PRR5L: variants seen among roughly 807,000 people sequenced by gnomAD.
The protein encoded by PRR5L is proline rich 5 like, also known as proline-rich protein 5-like.
PRR5L carries 21 observed loss-of-function variants against 36.4 expected under a neutral mutation model. That is an observed-to-expected ratio of 0.58 (90% CI 0.41 to 0.83). The LOEUF is 0.83. PRR5L is among the 40% of genes least tolerant of loss of function. The pLI is 0.00. For missense variants in PRR5L, 381 were observed against 473.3 expected (o/e 0.80, Z 1.81); for synonymous variants, 188 against 197.0 (o/e 0.95, Z 0.38).
intron 7 of PRR5L, among the ~76,000 whole-genome samples, chr11:36,448,377 C>T (rs1858876388): frequency 1.3e-5 from 2 of 152,172 alleles, no homozygotes; most frequent in South Asian, 2.1e-4. Context: ...CAGCATCTCC[C>T]ACCCTTCCAT....
intron 8 of PRR5L, among the ~76,000 whole-genome samples, chr11:36,459,454 T>C (rs1367913510): frequency 6.6e-6 from 1 of 152,162 alleles, no homozygotes; most frequent in Non-Finnish European, 1.5e-5. Context: ...GTTTTTTGGT[T>C]CTTCTCCTGC....
intron 1 of PRR5L, among the ~76,000 whole-genome samples, chr11:36,381,328 A>G (rs1857363642): frequency 6.6e-6 from 1 of 152,130 alleles, no homozygotes; most frequent in Non-Finnish European, 1.5e-5. Flanking sequence ...ACTAGGATTA[A>G]GGGACTGCAA....
At chr11:36,422,886 G>T (rs1238599115) in intron 4 of PRR5L, among the ~76,000 whole-genome samples, 1 of 152,094 alleles carries the variant, frequency 6.6e-6, no homozygotes, top group Non-Finnish European at 1.5e-5. Context: ...CTATATACTA[G>T]TAACAGCTCT....
At chr11:36,310,006 T>TACCACCACCACCATCATCCCCAATACC (rs1323480663) in intron 1 of PRR5L, among the ~76,000 whole-genome samples, 1 of 360 alleles carries the variant, frequency 2.8e-3, no homozygotes, top group South Asian at 0.1. Context: ...CCACCATCAC[T>TACCACCACCACCATCATCCCCAATACC]ATTAGAGCAG....
chr11:36,396,505 G>A (rs1369174265), intron 1 of PRR5L, among the ~76,000 whole-genome samples: 2 of 152,250 alleles, frequency 1.3e-5, no homozygotes, highest in Non-Finnish European at 2.9e-5. Context: ...GTCACCAGAA[G>A]CAGAGGGAGC....
chr11:36,343,779 T>C (rs1366792937), intron 1 of PRR5L, among the ~76,000 whole-genome samples: 1 of 152,218 alleles, frequency 6.6e-6, no homozygotes, highest in East Asian at 1.9e-4. Context: ...TACCTCCACT[T>C]ACTGTTGAGG....
At chr11:36,405,289 T>C (rs544994719) in intron 3 of PRR5L, among the ~76,000 whole-genome samples, 1 of 152,360 alleles carries the variant, frequency 6.6e-6, no homozygotes, top group Non-Finnish European at 1.5e-5. Flanking sequence ...ATACATCTCT[T>C]ATTTTTCAAG....
intron 6 of PRR5L, among the ~76,000 whole-genome samples, chr11:36,445,991 T>C (rs937554343): frequency 2.0e-5 from 3 of 152,212 alleles, no homozygotes; most frequent in Non-Finnish European, 4.4e-5. Flanking sequence ...CTTCTCTTTG[T>C]TTCTCCCATC....
At chr11:36,433,067 C>A (rs1858534430) in intron 5 of PRR5L, among the ~76,000 whole-genome samples, 1 of 151,802 alleles carries the variant, frequency 6.6e-6, no homozygotes, top group Non-Finnish European at 1.5e-5. Flanking sequence ...ACCCAATAAC[C>A]CAAGACCTTT....
chr11:36,309,409 T>C (rs1182719697), intron 1 of PRR5L, among the ~76,000 whole-genome samples: 1 of 152,246 alleles, frequency 6.6e-6, no homozygotes, highest in Non-Finnish European at 1.5e-5. Context: ...TTCAGGCATG[T>C]CATTTAATTT....
At chr11:36,417,372 G>T (rs1417167773) in intron 3 of PRR5L, among the ~76,000 whole-genome samples, 2 of 152,166 alleles carry the variant, frequency 1.3e-5, no homozygotes, top group Non-Finnish European at 2.9e-5. Flanking sequence ...TCCACTTGGG[G>T]CTGCCCCATA....
At chr11:36,309,484 A>G (rs1005774986) in intron 1 of PRR5L, among the ~76,000 whole-genome samples, 1 of 152,240 alleles carries the variant, frequency 6.6e-6, no homozygotes, top group East Asian at 1.9e-4. Context: ...TATCAGGCAT[A>G]TCTATGGTTT....
chr11:36,337,151 T>C lies in PRR5L; in HGVS notation c.-126+40713T>C, dbSNP rs1253686977. ...CATTGTATTTGCCACGGTCGCTGGG[T>C]CATGGGTCATTCCCCCATGGGTCAT... is the stretch of plus-strand genomic sequence containing the variant. On this transcript the variant is annotated intron_variant, in intron 1 of 8. Coordinates refer to ENST00000530639, the MANE Select transcript of PRR5L (RefSeq NM_001160167.2). 7.9e-5 allele frequency among the ~76,000 whole-genome samples: 12 copies of C among 152,302 alleles called. No homozygotes were observed. The East Asian group carries it at 2.3e-3, about 29-fold the overall frequency.
chr11:36,416,580 C>A (rs564887933), intron 3 of PRR5L, among the ~76,000 whole-genome samples: 1 of 152,312 alleles, frequency 6.6e-6, no homozygotes, highest in South Asian at 2.1e-4. Flanking sequence ...CCATCTCATC[C>A]CCCCTGTTAC....
chr11:36,367,215 A>G (rs1011662646), intron 1 of PRR5L, among the ~76,000 whole-genome samples: 1 of 152,230 alleles, frequency 6.6e-6, no homozygotes, highest in Admixed American at 6.5e-5. Flanking sequence ...AAAGGCTAAA[A>G]CATATGTTCA....
Position 36,462,556 on chromosome 11 carries a change from C to T in PRR5L, c.927C>T (p.His309=). Residue 309 remains histidine (H), a synonymous_variant, in exon 9 of 9, where the codon CAC becomes CAT. Coordinates refer to ENST00000530639, the MANE Select transcript of PRR5L (RefSeq NM_001160167.2). The stretch of plus-strand genomic sequence containing the variant: ...TGCTGGCCATGGCCACCATGATGCA[C>T]TCGGGCCTGGGGGAGGAGGCCAGCA... The part of the protein sequence containing the change: ...IQLLAMATMM[H]SGLGEEASSE... The T allele has an allele frequency of 6.2e-7, 1 of 1,612,102 alleles. No individual in the cohort carries two copies. Among genetic ancestry groups the T allele is most frequent in the Non-Finnish European group, 8.5e-7 (1 of 1,179,226 alleles).
At chr11:36,357,296 A>G (rs530081480) in intron 1 of PRR5L, among the ~76,000 whole-genome samples, 46 of 152,372 alleles carry the variant, frequency 3.0e-4, no homozygotes, top group African/African-American at 1.0e-3. Flanking sequence ...TGTCTCCATT[A>G]CATAAAAGTG....
At chr11:36,351,579 A>ATATATATTTATATATATT (rs1856962210) in intron 1 of PRR5L, among the ~76,000 whole-genome samples, 1 of 11,642 alleles carries the variant, frequency 8.6e-5, no homozygotes, top group African/African-American at 5.0e-4. Context: ...ATTTATATAA[A>ATATATATTTATATATATT]TATATATTTA....
intron 1 of PRR5L, among the ~76,000 whole-genome samples, chr11:36,298,777 G>C (rs750247597): frequency 1.1e-4 from 17 of 152,194 alleles, no homozygotes; most frequent in Admixed American, 3.3e-4. Flanking sequence ...CAAGATCAAG[G>C]TGTTGGAAGG....
Sources: allele counts gnomAD v4.1 joint callset (sites outside exome capture counted in the v4.1 genomes callset), GRCh38; gene constraint gnomAD v4.1.1; transcripts MANE v1.5; gene names NCBI Gene and HGNC (gene_info 2026-07-23, HGNC 2026-07-21).